HAMP: variants seen among roughly 807,000 people sequenced by gnomAD.
HAMP encodes the protein hepcidin antimicrobial peptide.
HAMP carries 5 observed loss-of-function variants against 7.8 expected under a neutral mutation model. The ratio of observed to expected loss-of-function variants is 0.64; its 90% CI spans 0.33 to 1.34. HAMP has a LOEUF of 1.34. Ranked by LOEUF, HAMP falls within the 40% of genes most tolerant of loss-of-function variation. HAMP has a pLI of 0.05. For missense variants in HAMP, 105 were observed against 104.1 expected (o/e 1.01, Z -0.04); for synonymous variants, 52 against 38.6 (o/e 1.35, Z -1.28).
At chr19:35,282,713 G>A in intron 1 of HAMP, 46 bp downstream of exon 1, 1 of 1,454,816 alleles carries the variant, frequency 6.9e-7, no homozygotes, top group Non-Finnish European at 9.7e-7. Flanking sequence ...GCAGGGATGG[G>A]AGAGCCAGGC....
chr19:35,283,694 T>G (rs2066313744), intron 1 of HAMP: 1 of 152,068 alleles, frequency 6.6e-6, no homozygotes, highest in Non-Finnish European at 1.5e-5. Flanking sequence ...GAGGAGATGG[T>G]GGGACTTGGG....
intron 1 of HAMP, chr19:35,284,324 T>TCGGTG: frequency 5.1e-6 from 1 of 195,074 alleles, no homozygotes; most frequent in Non-Finnish European, 1.1e-5. Flanking sequence ...GTGCACCTGC[T>TCGGTG]GTCCCAGCTA....
intron 1 of HAMP, chr19:35,284,325 G>C (rs766152483): frequency 4.5e-5 from 9 of 198,764 alleles, no homozygotes; most frequent in Non-Finnish European, 9.4e-5. Flanking sequence ...TGCACCTGCT[G>C]TCCCAGCTAC....
chr19:35,284,666 C>T (rs2066317880), intron 1 of HAMP, 123 bp from the exon 2 acceptor site: 1 of 751,238 alleles, frequency 1.3e-6, no homozygotes, highest in South Asian at 1.5e-5. Context: ...AAGCAAGGCC[C>T]CTCCTAAGAG....
chr19:35,284,542 A>G, intron 1 of HAMP: 1 of 585,162 alleles, frequency 1.7e-6, no homozygotes, highest in Non-Finnish European at 3.0e-6. Context: ...GCATCCAGGC[A>G]GGGGAAGGTG....
rs528725320 is a variant in HAMP, at chr19:35,283,953, C to T, written c.91-836C>T. On this transcript the variant is annotated intron_variant, in intron 1 of 2. Coordinates refer to ENST00000222304, the MANE Select transcript of HAMP (RefSeq NM_021175.4). ...GGGATTACAGGCGGCTGCCACCACG[C>T]CCGGCTAATTTTTGTTTTTTTAGTA... 5 of 152,236 alleles carry T rather than the reference C, an allele frequency of 3.3e-5. No homozygotes were observed. In the East Asian group the frequency reaches 9.7e-4, roughly 30 times the overall value. The allele number at this position is 152,236 out of a possible 1,614,324, so 9.4% of individuals were successfully genotyped here.
At chr19:35,285,143 AC>A, downstream of HAMP, 1 of 810,802 alleles carries the variant, frequency 1.2e-6, no homozygotes, top group East Asian at 2.5e-5. Flanking sequence ...TGTTTTCCAA[AC>A]CAGAGTGTCT....
chr19:35,284,919 A>T lies in HAMP; in HGVS notation c.151-19A>T. The T allele has an allele frequency of 6.2e-7, 1 of 1,609,878 alleles. No individual in the cohort carries two copies. Among genetic ancestry groups the T allele is most frequent in the Non-Finnish European group, 8.5e-7 (1 of 1,176,370 alleles). Reference sequence around the variant, plus strand: ...ATGCTAAGGCCGGTTCCCTGCTCACATTCCCTTCCTTCCCACAGCCCATGT... The same window carrying T: ...ATGCTAAGGCCGGTTCCCTGCTCACTTTCCCTTCCTTCCCACAGCCCATGT... On this transcript the variant is annotated intron_variant, in intron 2 of 2. Coordinates refer to ENST00000222304, the MANE Select transcript of HAMP (RefSeq NM_021175.4).
chr19:35,284,514 G>C (rs1431876452), intron 1 of HAMP: 1 of 569,720 alleles, frequency 1.8e-6, no homozygotes, highest in Non-Finnish European at 3.1e-6. Flanking sequence ...AGGGAGGTGT[G>C]TTAGGAGGCT....
intron 1 of HAMP, 139 bp from the exon 2 acceptor site, chr19:35,284,650 G>A: frequency 3.0e-6 from 2 of 677,720 alleles, no homozygotes; most frequent in Admixed American, 2.4e-5. Flanking sequence ...GTGAGCAGAA[G>A]CAAGAAAGCA....
intron 1 of HAMP, chr19:35,283,226 G>A: frequency 5.8e-6 from 1 of 172,434 alleles, no homozygotes; most frequent in South Asian, 1.4e-4. Context: ...GTAGATGAGA[G>A]AGGAGATTTC....
chr19:35,284,794 A>C lies in HAMP; in HGVS notation c.96A>C (p.Gly32=). The C allele has an allele frequency of 6.2e-7, 1 of 1,613,748 alleles. No homozygotes were observed. The highest frequency in any genetic ancestry group is 1.7e-5 in the Admixed American group (1 of 60,012). The change falls in exon 2 of 3, where the codon GGA becomes GGC. Residue 32 remains glycine, a synonymous_variant. Transcript: ENST00000222304. ...ACCCCCTTCTGCTTTCACAGACGGG[A>C]CAACTTGCAGAGCTGCAACCCCAGG... ...TSGSVFPQQT[G]QLAELQPQDR... is the part of the protein sequence containing the mutation.
chr19:35,284,618 A>C (rs1287882579), intron 1 of HAMP, 171 bp from the exon 2 acceptor site: 1 of 583,616 alleles, frequency 1.7e-6, no homozygotes, highest in East Asian at 2.8e-5. Context: ...TTTTTTTTTT[A>C]GGAAAAGCCG....
rs777280735 is a variant in HAMP at position 35,284,838 on chromosome 19, C to A, written c.140C>A (p.Ala47Asp). Residue 47 changes from alanine (A) to aspartate (D), a missense_variant, in exon 2 of 3, where the codon GCC becomes GAC. Physicochemically the swap from Ala to Asp is moderately radical, Grantham distance 126. Transcript: ENST00000222304. Reference sequence around the variant, plus strand: ...CCCCAGGACAGAGCTGGAGCCAGGGCCAGCTGGATGGTGAGCGCAACAGTG... The same window carrying A: ...CCCCAGGACAGAGCTGGAGCCAGGGACAGCTGGATGGTGAGCGCAACAGTG... The part of the protein sequence containing the change: ...LQPQDRAGAR[A>D]SWMPMFQRRR... 6.2e-7 allele frequency: 1 copy of A among 1,613,718 alleles called. No homozygotes were observed. Among genetic ancestry groups the A allele is most frequent in the Non-Finnish European group, 8.5e-7 (1 of 1,179,656 alleles).
Position 35,284,646 on chromosome 19 carries a change from A to G in HAMP, c.91-143A>G. On this transcript the variant is annotated intron_variant, in intron 1 of 2. Transcript: ENST00000222304. Reference sequence around the variant, plus strand: ...AAAAGCCGCCCATGGGAAGGTGAGCAGAAGCAAGAAAGCAAGGCCCCTCCT... The same window carrying G: ...AAAAGCCGCCCATGGGAAGGTGAGCGGAAGCAAGAAAGCAAGGCCCCTCCT... 7 of 667,938 alleles carry G rather than the reference A, an allele frequency of 1.0e-5. No homozygotes were observed. The South Asian group carries it at 1.2e-4, about 11-fold the overall frequency. 41.4% of individuals were successfully genotyped at this position (667,938 alleles called of 1,614,324 possible).
chr19:35,285,012 A>T lies in HAMP; in HGVS notation c.225A>T (p.Arg75=), dbSNP rs2066320244. Residue 75 remains arginine (R), a synonymous_variant, in exon 3 of 3, where the codon CGA becomes CGT. Coordinates refer to ENST00000222304, the MANE Select transcript of HAMP (RefSeq NM_021175.4). Reference sequence around the variant, plus strand: ...TTTTCTGCTGCGGCTGCTGTCATCGATCAAAGTGTGGGATGTGCTGCAAGA... The same window carrying T: ...TTTTCTGCTGCGGCTGCTGTCATCGTTCAAAGTGTGGGATGTGCTGCAAGA... ...ICIFCCGCCH[R]SKCGMCCKT 1 of 1,613,674 alleles carries T rather than the reference A, an allele frequency of 6.2e-7. No homozygotes were observed. The highest frequency in any genetic ancestry group is 8.5e-7 in the Non-Finnish European group (1 of 1,179,714).
chr19:35,282,613 C>A lies in HAMP; in HGVS notation c.36C>A (p.Leu12=), dbSNP rs768305190. 4 of 1,614,004 alleles carry A rather than the reference C, an allele frequency of 2.5e-6. No individual in the cohort carries two copies. The African/African-American group carries it at 5.3e-5, about 22-fold the overall frequency. ...ALSSQIWAAC[L]LLLLLLASLT... ...GCTCCCAGATCTGGGCCGCTTGCCT[C>A]CTGCTCCTCCTCCTCCTCGCCAGCC... The change falls in exon 1 of 3, where the codon CTC becomes CTA. Residue 12 remains leucine (L), a synonymous_variant. Transcript: ENST00000222304.
rs1255913324 is a variant in HAMP at position 35,284,821 on chromosome 19, CAG to C, written c.126_127del (p.Arg42SerfsTer?). The C allele has an allele frequency of 1.2e-6, 2 of 1,613,800 alleles. No individual in the cohort carries two copies. The highest frequency in any genetic ancestry group is 2.2e-5 in the East Asian group (1 of 44,884). On this transcript the variant is annotated frameshift_variant, in exon 2 of 3. Transcript: ENST00000222304. LOFTEE classifies it low-confidence loss of function (END_TRUNC). The stretch of plus-strand genomic sequence containing the variant: ...AACTTGCAGAGCTGCAACCCCAGGA[CAG>C]AGCTGGAGCCAGGGCCAGCTGGATG... Reference protein sequence around the residue: ...GQLAELQPQDRAGARASWMPM... With the variant: ...GQLAELQPQDXAGARASWMPM...
rs753934178 is a variant in HAMP at position 35,284,976 on chromosome 19, C to T, written c.189C>T (p.Phe63=). 6 of 1,614,042 alleles carry T rather than the reference C, an allele frequency of 3.7e-6. No homozygotes were observed. Among genetic ancestry groups the T allele is most frequent in the Middle Eastern group, 1.6e-4 (1 of 6,062 alleles). ...GGCGAAGGAGGCGAGACACCCACTT[C>T]CCCATCTGCATTTTCTGCTGCGGCT... ...FQRRRRRDTH[F]PICIFCCGCC... The change falls in exon 3 of 3, where the codon TTC becomes TTT. Residue 63 remains phenylalanine, a synonymous_variant. Coordinates refer to ENST00000222304, the MANE Select transcript of HAMP (RefSeq NM_021175.4).
Sources: gnomAD v4.1 joint callset for allele counts on GRCh38, gnomAD v4.1.1 for gene constraint, MANE v1.5 for transcripts, NCBI Gene and HGNC (gene_info 2026-07-23, HGNC 2026-07-21) for gene names.